Variants in RPS6KA2 observed in about 807,000 individuals in gnomAD.
The protein encoded by RPS6KA2 is ribosomal protein S6 kinase A2, also known as ribosomal protein S6 kinase alpha-2.
A neutral mutation model predicts 91.8 loss-of-function variants in RPS6KA2; 42 were observed. The ratio of observed to expected loss-of-function variants is 0.46; its 90% CI spans 0.36 to 0.59. The LOEUF (loss-of-function observed/expected upper bound fraction) is 0.59. Ranked by LOEUF, RPS6KA2 falls within the 20% of genes least tolerant of loss-of-function variation. RPS6KA2 has a pLI of 0.00. For missense variants in RPS6KA2, 798 were observed against 978.5 expected (o/e 0.82, Z 2.46); for synonymous variants, 414 against 393.6 (o/e 1.05, Z -0.61).
chr6:166,805,817 G>C (rs189245924), intron 2 of RPS6KA2, among the ~76,000 whole-genome samples: 2 of 151,956 alleles, frequency 1.3e-5, no homozygotes, highest in East Asian at 3.9e-4. Context: ...AGATCTACTA[G>C]ACAGACTTTA....
chr6:166,538,398 G>T (rs1458617140), intron 2 of RPS6KA2, among the ~76,000 whole-genome samples: 1 of 152,148 alleles, frequency 6.6e-6, no homozygotes, highest in East Asian at 1.9e-4. Context: ...CCTTGGTGAT[G>T]ATTTACCAAG....
At chr6:166,540,250 G>A (rs1783612151) in intron 1 of RPS6KA2, among the ~76,000 whole-genome samples, 1 of 152,184 alleles carries the variant, frequency 6.6e-6, no homozygotes, top group Non-Finnish European at 1.5e-5. Flanking sequence ...TCTCAAAACG[G>A]TTACTTATAA....
chr6:166,614,277 C>T (rs903019048), intron 1 of RPS6KA2, among the ~76,000 whole-genome samples: 8 of 152,212 alleles, frequency 5.3e-5, no homozygotes, highest in African/African-American at 1.4e-4. Flanking sequence ...CTACGCCTGT[C>T]GGAGGCTGAA....
At chr6:166,776,260 G>A (rs942401398) in intron 2 of RPS6KA2, among the ~76,000 whole-genome samples, 1 of 152,168 alleles carries the variant, frequency 6.6e-6, no homozygotes, top group African/African-American at 2.4e-5. Context: ...GAGGTTCAAC[G>A]AAAAGCTGAG....
At chr6:166,534,513 G>T (rs1395934680) in intron 2 of RPS6KA2, among the ~76,000 whole-genome samples, 1 of 152,152 alleles carries the variant, frequency 6.6e-6, no homozygotes, top group Admixed American at 6.5e-5. Context: ...TAAGAAGTAC[G>T]ACCGTATAAA....
intron 1 of RPS6KA2, among the ~76,000 whole-genome samples, chr6:166,618,607 G>A (rs1049668924): frequency 6.6e-6 from 1 of 152,242 alleles, no homozygotes; most frequent in African/African-American, 2.4e-5. Context: ...TTGGCTGAGT[G>A]GGAGGTGGAG....
At chr6:166,632,950 C>A (rs1787128243) in intron 2 of RPS6KA2, among the ~76,000 whole-genome samples, 2 of 152,226 alleles carry the variant, frequency 1.3e-5, no homozygotes, top group Non-Finnish European at 2.9e-5. Context: ...CGCAGGGGCT[C>A]ATGCCTGCAA....
intron 6 of RPS6KA2, among the ~76,000 whole-genome samples, chr6:166,501,552 A>T (rs1213842269): frequency 6.6e-6 from 1 of 152,178 alleles, no homozygotes; most frequent in East Asian, 1.9e-4. Flanking sequence ...AGCCCTTGTC[A>T]CGCCATGTGC....
rs1433278695 is a variant in RPS6KA2, at chr6:166,821,069, A to T, written c.123+37131T>A. Among the ~76,000 whole-genome samples the T allele has an allele frequency of 6.6e-6, 1 of 152,056 alleles. No homozygotes were observed. Among genetic ancestry groups the T allele is most frequent in the African/African-American group, 2.4e-5 (1 of 41,406 alleles). On this transcript the variant is annotated intron_variant, in intron 2 of 21. Coordinates refer to the RPS6KA2 transcript ENST00000503859. This position sits in a 1 kb window ranked among gnomAD's most constrained non-coding sequence, Gnocchi z 4.1. ...GAATGATGGGTCCAGGGCTATAGGG[A>T]TTTGGATATTGAATTAGGTTACCAT...
chr6:166,497,668 C>T (rs1781839231), intron 8 of RPS6KA2, among the ~76,000 whole-genome samples: 1 of 152,348 alleles, frequency 6.6e-6, no homozygotes, highest in South Asian at 2.1e-4. Flanking sequence ...GGACTCAGCC[C>T]TGGGGTTCCC....
intron 16 of RPS6KA2, among the ~76,000 whole-genome samples, chr6:166,429,958 TTTTC>T (rs1779063760): frequency 6.7e-6 from 1 of 148,490 alleles, no homozygotes; most frequent in South Asian, 2.1e-4. Flanking sequence ...AGAATTTTTC[TTTTC>T]TTTTTTTTTT....
rs1401084634 is a variant in RPS6KA2, at chr6:166,437,527, A to C, written c.1333-5037T>G. Among the ~76,000 whole-genome samples, 1 of 151,814 alleles carries C rather than the reference A, an allele frequency of 6.6e-6. No individual in the cohort carries two copies. Among genetic ancestry groups the C allele is most frequent in the Non-Finnish European group, 1.5e-5 (1 of 67,934 alleles). Reference sequence around the variant, plus strand: ...ATCTGGCAACAGCTGGTTAGAAAGGACTCCTACAACCTCCAGAGAAGGGCA... The same window carrying C: ...ATCTGGCAACAGCTGGTTAGAAAGGCCTCCTACAACCTCCAGAGAAGGGCA... On this transcript the variant is annotated intron_variant, in intron 14 of 20. Coordinates refer to ENST00000265678, the MANE Select transcript of RPS6KA2 (RefSeq NM_021135.6). The surrounding 1 kb of genome is among the most constrained non-coding windows in gnomAD (Gnocchi z 4.3).
At chr6:166,551,688 T>C (rs1284878071) in intron 1 of RPS6KA2, among the ~76,000 whole-genome samples, 6 of 151,838 alleles carry the variant, frequency 4.0e-5, no homozygotes, top group Non-Finnish European at 8.8e-5. Flanking sequence ...TGAAGCATTT[T>C]GTTAAAAAAA....
At chr6:166,487,286 A>G (rs1781444274) in intron 10 of RPS6KA2, among the ~76,000 whole-genome samples, 1 of 152,238 alleles carries the variant, frequency 6.6e-6, no homozygotes. Flanking sequence ...TGACTGGCAG[A>G]CAGTGACGGC....
chr6:166,749,733 T>C (rs1434694042), intron 2 of RPS6KA2, among the ~76,000 whole-genome samples: 2 of 70,944 alleles, frequency 2.8e-5, no homozygotes, highest in South Asian at 6.1e-4. Flanking sequence ...CCCATCCCCT[T>C]GGGCCCCTCT....
At chr6:166,528,814 G>A (rs1783155379) in intron 3 of RPS6KA2, among the ~76,000 whole-genome samples, 1 of 151,906 alleles carries the variant, frequency 6.6e-6, no homozygotes, top group Non-Finnish European at 1.5e-5. Context: ...AAAGACACAT[G>A]AAAAAATGCT....
chr6:166,707,824 G>C (rs1203153832), intron 2 of RPS6KA2, among the ~76,000 whole-genome samples: 3 of 151,852 alleles, frequency 2.0e-5, no homozygotes, highest in African/African-American at 4.8e-5. Context: ...TAGGCTGGTG[G>C]CCTTGACCTC....
At chr6:166,571,590 C>T (rs1784689069) in intron 1 of RPS6KA2, among the ~76,000 whole-genome samples, 1 of 151,840 alleles carries the variant, frequency 6.6e-6, no homozygotes, top group Non-Finnish European at 1.5e-5. Flanking sequence ...TGCACAGTTA[C>T]ATGGGGGGAA....
At chr6:166,628,805 C>G (rs1475501262), upstream of RPS6KA2, among the ~76,000 whole-genome samples, 1 of 152,248 alleles carries the variant, frequency 6.6e-6, no homozygotes, top group African/African-American at 2.4e-5. Context: ...TATGCAAGAT[C>G]ACGGATGTGG....
Sources: allele counts gnomAD v4.1 joint callset (sites outside exome capture counted in the v4.1 genomes callset), GRCh38; gene constraint gnomAD v4.1.1; non-coding constraint Gnocchi (gnomAD v3.1); transcripts MANE v1.5; gene names NCBI Gene and HGNC (gene_info 2026-07-23, HGNC 2026-07-21).